Variants in RLBP1 observed in about 807,000 individuals in gnomAD.
The protein encoded by RLBP1 is retinaldehyde-binding protein 1.
RLBP1 carries 26 observed loss-of-function variants against 36.2 expected under a neutral mutation model. The ratio of observed to expected loss-of-function variants is 0.72; its 90% CI spans 0.53 to 1.00. The LOEUF (loss-of-function observed/expected upper bound fraction) is 1.00, where lower values mean the gene tolerates loss of function less well. RLBP1 is among the 50% of genes least tolerant of loss of function. RLBP1 has a pLI of 0.00. For missense variants in RLBP1, 410 were observed against 402.4 expected, an observed-to-expected ratio of 1.02 and a Z score of -0.16; for synonymous variants, 155 against 156.2, an observed-to-expected ratio of 0.99 and a Z score of 0.06.
chr15:89,211,652 T>C lies in RLBP1; in HGVS notation c.684+91A>G. Reference sequence around the variant, plus strand: ...TTATGGCGCGAGGTGGTCCAACTTCTCAGTTCCCTGCAAGCACCATGAAAG... The same window carrying C: ...TTATGGCGCGAGGTGGTCCAACTTCCCAGTTCCCTGCAAGCACCATGAAAG... On this transcript the variant is annotated intron_variant, in intron 7 of 8. Coordinates refer to ENST00000268125, the MANE Select transcript of RLBP1 (RefSeq NM_000326.5). This position sits in a 1 kb window ranked among gnomAD's most constrained non-coding sequence, Gnocchi z 5.8. The C allele has an allele frequency of 7.1e-7, 1 of 1,404,948 alleles. No homozygotes were observed. The highest frequency in any genetic ancestry group is 1.2e-5 in the South Asian group (1 of 84,984). 87.0% of individuals were successfully genotyped at this position (1,404,948 alleles called of 1,614,324 possible).
At chr15:89,213,490 A>T (rs1427289351) in intron 6 of RLBP1, among the ~76,000 whole-genome samples, 1 of 152,256 alleles carries the variant, frequency 6.6e-6, no homozygotes, top group Non-Finnish European at 1.5e-5. Flanking sequence ...CAACTAGAAG[A>T]TATAATGGAA....
Position 89,215,176 on chromosome 15 carries a change from G to A in RLBP1, c.409C>T (p.Arg137Cys), listed in dbSNP as rs777418643. ...LFDSLSPEAV[R>C]CTIEAGYPGV... is the part of the protein sequence containing the mutation. ...GGGTAGCCAGCTTCAATGGTGCAGC[G>A]GACAGCCTCTGGGGACAGGCTGTCA... Residue 137 changes from arginine (R) to cysteine (C), a missense_variant, in exon 6 of 9, where the codon CGC becomes TGC. By Grantham distance (180) the Arg-to-Cys change is radical. Coordinates refer to ENST00000268125, the MANE Select transcript of RLBP1 (RefSeq NM_000326.5). The A allele has an allele frequency of 2.7e-5, 44 of 1,614,010 alleles. No individual in the cohort carries two copies. The highest frequency in any genetic ancestry group is 1.6e-4 in the Middle Eastern group (1 of 6,084).
chr15:89,220,165 T>C (rs1171149961), intron 1 of RLBP1, among the ~76,000 whole-genome samples: 2 of 152,192 alleles, frequency 1.3e-5, no homozygotes, highest in Non-Finnish European at 2.9e-5. Context: ...AAGTCTTTTT[T>C]TGACACCTAG....
chr15:89,210,851 G>T lies in RLBP1; in HGVS notation c.685-42C>A. 1 of 1,343,472 alleles carries T rather than the reference G, an allele frequency of 7.4e-7. No homozygotes were observed. Among genetic ancestry groups the T allele is most frequent in the South Asian group, 1.3e-5 (1 of 79,738 alleles). 83.2% of individuals were successfully genotyped at this position (1,343,472 alleles called of 1,614,324 possible). On this transcript the variant is annotated intron_variant, in intron 7 of 8. Transcript: ENST00000268125. The surrounding 1 kb of genome is among the most constrained non-coding windows in gnomAD (Gnocchi z 4.7). ...ATACCCCGTTCCCCATGGCCCCAGTGACCTCAGAGGCTCCCACTCATTCCC... is the reference window on the plus strand; with the variant it reads ...ATACCCCGTTCCCCATGGCCCCAGTTACCTCAGAGGCTCCCACTCATTCCC...
chr15:89,210,068 T>G lies in RLBP1; in HGVS notation c.*217A>C, dbSNP rs150636501. The G allele has an allele frequency of 1.0e-3, 598 of 591,350 alleles. 4 individuals carry two copies. In the African/African-American group the frequency reaches 0.01, roughly 10 times the overall value. The allele number at this position is 591,350 out of a possible 1,614,324, so 36.6% of individuals were successfully genotyped here. A position where few individuals can be genotyped will look rare whatever the true frequency, so the allele number is the denominator to read the frequency against. ...TTAAAGCTTCAAGGGCAGGTGGAAA[T>G]ATAACTATCCCCAGTTCTTCTTGTT... On this transcript the variant is annotated 3_prime_UTR_variant, in exon 9 of 9. Coordinates refer to ENST00000268125, the MANE Select transcript of RLBP1 (RefSeq NM_000326.5). This position sits in a 1 kb window ranked among gnomAD's most constrained non-coding sequence, Gnocchi z 4.7.
rs138897664 is a variant in RLBP1 at position 89,216,239 on chromosome 15, C to T, written c.346+881G>A. On this transcript the variant is annotated intron_variant, in intron 5 of 8. Coordinates refer to ENST00000268125, the MANE Select transcript of RLBP1 (RefSeq NM_000326.5). ...GAAGTAGGAAAAGGAAAATCATTAG[C>T]CTGCAGAGGGCCCACTCAGACCCCA... Among the ~76,000 whole-genome samples, 9 of 152,192 alleles carry T rather than the reference C, an allele frequency of 5.9e-5. No homozygotes were observed. The East Asian group carries it at 1.7e-3, about 29-fold the overall frequency.
chr15:89,211,815 G>GGTA lies in RLBP1; in HGVS notation c.611_612insTAC (p.Phe204_Lys205insThr). The GGTA allele has an allele frequency of 6.2e-7, 1 of 1,614,224 alleles. No homozygotes were observed. Among genetic ancestry groups the GGTA allele is most frequent in the Non-Finnish European group, 8.5e-7 (1 of 1,180,032 alleles). ...CAGCCTGCTGCATGGTAAAGCCCTT[G>GGTA]AAGTTCTCAATGATGCAGAAGCCAT... On this transcript the variant is annotated inframe_insertion, in exon 7 of 9. Coordinates refer to ENST00000268125, the MANE Select transcript of RLBP1 (RefSeq NM_000326.5). The surrounding 1 kb of genome is among the most constrained non-coding windows in gnomAD (Gnocchi z 5.8).
In RLBP1 at chr15:89,211,633, C is replaced by T. The variant is rs950540; in HGVS notation, c.684+110G>A. ...CTGTGGCTGTCACTGCTCTTTATGG[C>T]GCGAGGTGGTCCAACTTCTCAGTTC... On this transcript the variant is annotated intron_variant, in intron 7 of 8. Coordinates refer to ENST00000268125, the MANE Select transcript of RLBP1 (RefSeq NM_000326.5). The surrounding 1 kb of genome is among the most constrained non-coding windows in gnomAD (Gnocchi z 5.8). 378,623 of 1,098,272 alleles carry T rather than the reference C, an allele frequency of 0.34. 68,195 individuals are homozygous for T. The highest frequency in any genetic ancestry group is 0.37 in the Non-Finnish European group (273,664 of 739,858). 68.0% of individuals were successfully genotyped at this position (1,098,272 alleles called of 1,614,324 possible). A position where few individuals can be genotyped will look rare whatever the true frequency, so the allele number is the denominator to read the frequency against.
intron 5 of RLBP1, among the ~76,000 whole-genome samples, chr15:89,216,143 C>T (rs1242880009): frequency 6.6e-6 from 1 of 152,138 alleles, no homozygotes; most frequent in Non-Finnish European, 1.5e-5. Context: ...TCTGTTTTGT[C>T]TCCACTGCAT....
In RLBP1 at chr15:89,211,457, C is replaced by T. The variant is rs887613319; in HGVS notation, c.684+286G>A. Among the ~76,000 whole-genome samples, 6 of 152,136 alleles carry T rather than the reference C, an allele frequency of 3.9e-5. No individual in the cohort carries two copies. The highest frequency in any genetic ancestry group is 2.9e-5 in the Non-Finnish European group (2 of 68,026). On this transcript the variant is annotated intron_variant, in intron 7 of 8. Transcript: ENST00000268125. This position sits in a 1 kb window ranked among gnomAD's most constrained non-coding sequence, Gnocchi z 5.8. ...CTGCCGCTTTATTGCTGTGTGACCT[C>T]GAGATGTCTCTTAAATCTCTGAGCC...
intron 5 of RLBP1, 64 bp downstream of exon 5, chr15:89,217,056 G>T: frequency 1.3e-6 from 2 of 1,537,706 alleles, no homozygotes; most frequent in South Asian, 1.1e-5. Context: ...GCCAGGATGA[G>T]AGCGGATAGC....
rs1346302471 is a variant in RLBP1 at position 89,210,723 on chromosome 15, G to C, written c.771C>G (p.Phe257Leu). The C allele has an allele frequency of 6.2e-7, 1 of 1,600,394 alleles. No individual in the cohort carries two copies. The highest frequency in any genetic ancestry group is 2.2e-5 in the East Asian group (1 of 44,542). The change falls in exon 8 of 9, where the codon TTC becomes TTG. Residue 257 changes from phenylalanine to leucine, a missense_variant. Coordinates refer to ENST00000268125, the MANE Select transcript of RLBP1 (RefSeq NM_000326.5). The surrounding 1 kb of genome is among the most constrained non-coding windows in gnomAD (Gnocchi z 4.7). ...FTTTYNVVKP[F>L]LKSKLLERVF... is the part of the protein sequence containing the mutation. The stretch of plus-strand genomic sequence containing the variant: ...CCCTCTCAAGCAGCTTGCTCTTCAA[G>C]AAGGGCTTGACCACATTGTAGGTCG...
rs1402345484 is a variant in RLBP1 at position 89,211,710 on chromosome 15, G to A, written c.684+33C>T. 5 of 1,611,108 alleles carry A rather than the reference G, an allele frequency of 3.1e-6. No homozygotes were observed. The African/African-American group carries it at 4.0e-5, about 13-fold the overall frequency. On this transcript the variant is annotated intron_variant, in intron 7 of 8. Coordinates refer to ENST00000268125, the MANE Select transcript of RLBP1 (RefSeq NM_000326.5). This position sits in a 1 kb window ranked among gnomAD's most constrained non-coding sequence, Gnocchi z 5.8. ...AGCCTCTCAGCCTCCCCAGCTGTGG[G>A]AGGCTGCCGTGCGACAGAACTCTAA...
chr15:89,219,055 C>A lies in RLBP1; in HGVS notation c.-80G>T. ...TCCTGGCCTCTCCAGCCGGCCCCTT[C>A]CCTAGGATAGGAAGTCAGGGCTGCA... is the stretch of plus-strand genomic sequence containing the variant. On this transcript the variant is annotated 5_prime_UTR_variant, in exon 3 of 9. Coordinates refer to ENST00000268125, the MANE Select transcript of RLBP1 (RefSeq NM_000326.5). The A allele has an allele frequency of 6.4e-7, 1 of 1,573,614 alleles. No individual in the cohort carries two copies. Among genetic ancestry groups the A allele is most frequent in the East Asian group, 2.2e-5 (1 of 44,696 alleles).
At position 89,218,333 on chromosome 15, in the gene RLBP1, C is replaced by T. The variant is rs1477402531; in HGVS notation, c.141+232G>A. On this transcript the variant is annotated intron_variant, in intron 4 of 8. Coordinates refer to ENST00000268125, the MANE Select transcript of RLBP1 (RefSeq NM_000326.5). The surrounding 1 kb of genome is among the most constrained non-coding windows in gnomAD (Gnocchi z 4.6). Reference sequence around the variant, plus strand: ...AGTCTAGTTTAGAGGGCCCTAGTTCCGAGGCTCTGGGCTGTAGTCTTGGGT... The same window carrying T: ...AGTCTAGTTTAGAGGGCCCTAGTTCTGAGGCTCTGGGCTGTAGTCTTGGGT... Among the ~76,000 whole-genome samples, 2 of 152,140 alleles carry T rather than the reference C, an allele frequency of 1.3e-5. No individual in the cohort carries two copies. The highest frequency in any genetic ancestry group is 2.9e-5 in the Non-Finnish European group (2 of 68,032).
In RLBP1 at chr15:89,213,238, T is replaced by A. The variant is rs188425809; in HGVS notation, c.526-1337A>T. 2.5e-3 allele frequency among the ~76,000 whole-genome samples: 387 copies of A among 151,842 alleles called. 2 individuals carry two copies. Among genetic ancestry groups the A allele is most frequent in the African/African-American group, 9.1e-3 (376 of 41,358 alleles). Reference sequence around the variant, plus strand: ...CTTCACCATCTCTGCCACCATTTAATTCTATATTGAAAGTACTAACCAATG... The same window carrying A: ...CTTCACCATCTCTGCCACCATTTAAATCTATATTGAAAGTACTAACCAATG... On this transcript the variant is annotated intron_variant, in intron 6 of 8. Coordinates refer to ENST00000268125, the MANE Select transcript of RLBP1 (RefSeq NM_000326.5).
rs899774328 is a variant in RLBP1, at chr15:89,211,097, G to C, written c.685-288C>G. 6.6e-6 allele frequency among the ~76,000 whole-genome samples: 1 copy of C among 152,228 alleles called. No individual in the cohort carries two copies. The highest frequency in any genetic ancestry group is 2.4e-5 in the African/African-American group (1 of 41,466). On this transcript the variant is annotated intron_variant, in intron 7 of 8. Transcript: ENST00000268125. This position sits in a 1 kb window ranked among gnomAD's most constrained non-coding sequence, Gnocchi z 5.8. ...TAGGAAAAGAAATGAAAGTAGCCTTGCTTGACCTTTTGGTGAGTTTTTTCA... is the reference window on the plus strand; with the variant it reads ...TAGGAAAAGAAATGAAAGTAGCCTTCCTTGACCTTTTGGTGAGTTTTTTCA...
intron 5 of RLBP1, among the ~76,000 whole-genome samples, chr15:89,215,743 T>A (rs2051574888): frequency 6.6e-6 from 1 of 152,082 alleles, no homozygotes; most frequent in South Asian, 2.1e-4. Context: ...TCCTGAGCAG[T>A]TCCCCACCTC....
At chr15:89,213,813 T>C (rs917347445) in intron 6 of RLBP1, among the ~76,000 whole-genome samples, 13 of 152,228 alleles carry the variant, frequency 8.5e-5, no homozygotes, top group African/African-American at 2.7e-4. Flanking sequence ...TATTTATGTT[T>C]AATATTATCC....
Sources: gnomAD v4.1 joint callset for allele counts (sites outside exome capture counted in the v4.1 genomes callset) on GRCh38, gnomAD v4.1.1 for gene constraint, Gnocchi (gnomAD v3.1) non-coding constraint, MANE v1.5 for transcripts, NCBI Gene and HGNC (gene_info 2026-07-23, HGNC 2026-07-21) for gene names.